SNTB1: variants seen among roughly 807,000 people sequenced by gnomAD.
SNTB1 encodes the protein syntrophin beta 1.
A neutral mutation model predicts 48.9 loss-of-function variants in SNTB1; 36 were observed. The ratio of observed to expected loss-of-function variants is 0.74; its 90% CI spans 0.56 to 0.97. SNTB1 has a LOEUF of 0.97. Ranked by LOEUF, SNTB1 falls within the 50% of genes least tolerant of loss-of-function variation. The pLI is 0.00. For missense variants in SNTB1, 786 were observed against 703.4 expected, an observed-to-expected ratio of 1.12 and a Z score of -1.33; for synonymous variants, 299 against 294.6, an observed-to-expected ratio of 1.01 and a Z score of -0.15.
rs754021797 is a variant in SNTB1 at position 120,775,932 on chromosome 8, C to T, written c.571+35341G>A. 5.3e-5 allele frequency among the ~76,000 whole-genome samples: 8 copies of T among 152,036 alleles called. No individual in the cohort carries two copies. In the East Asian group the frequency reaches 5.8e-4, roughly 11 times the overall value. On this transcript the variant is annotated intron_variant, in intron 1 of 6. Transcript: ENST00000517992. ...TAAGTTCTAGGGTACATGTGCACAA[C>T]GTGCAGGTTTGCTACATAAAAATGT...
intron 1 of SNTB1, among the ~76,000 whole-genome samples, chr8:120,749,844 C>T (rs1357459767): frequency 2.0e-5 from 3 of 152,102 alleles, no homozygotes; most frequent in Non-Finnish European, 4.4e-5. Flanking sequence ...ACTTACCTAA[C>T]TCCTCATGAG....
chr8:120,608,816 A>G (rs973898151), intron 3 of SNTB1, among the ~76,000 whole-genome samples: 3 of 152,244 alleles, frequency 2.0e-5, no homozygotes, highest in Non-Finnish European at 4.4e-5. Context: ...TACTTTATGA[A>G]GAAGGAAACT....
chr8:120,564,564 G>GTTTTTTTTT (rs71306893), intron 4 of SNTB1, among the ~76,000 whole-genome samples: 15 of 84,206 alleles, frequency 1.8e-4, no homozygotes, highest in Middle Eastern at 0.013. Context: ...TATTATTCTG[G>GTTTTTTTTT]TTTTTTTTTT....
At chr8:120,767,564 G>C (rs1313739965) in intron 1 of SNTB1, among the ~76,000 whole-genome samples, 1 of 152,104 alleles carries the variant, frequency 6.6e-6, no homozygotes, top group African/African-American at 2.4e-5. Context: ...TTAGAACATA[G>C]GCTCTACAGC....
chr8:120,747,786 A>G (rs980088872), intron 1 of SNTB1, among the ~76,000 whole-genome samples: 3 of 152,196 alleles, frequency 2.0e-5, no homozygotes, highest in South Asian at 2.1e-4. Flanking sequence ...AAGTTTACCT[A>G]TATAACAAAC....
chr8:120,734,797 G>A (rs148708166), intron 1 of SNTB1, among the ~76,000 whole-genome samples: 3 of 152,324 alleles, frequency 2.0e-5, no homozygotes, highest in Non-Finnish European at 4.4e-5. Flanking sequence ...ACTGGATGAT[G>A]GCTGCCTTTT....
intron 3 of SNTB1, among the ~76,000 whole-genome samples, chr8:120,601,453 C>T (rs1215370065): frequency 6.6e-6 from 1 of 152,208 alleles, no homozygotes; most frequent in Non-Finnish European, 1.5e-5. Context: ...TACCCCGTAC[C>T]TGAGCCTAAC....
chr8:120,788,273 C>A (rs60638930), intron 1 of SNTB1, among the ~76,000 whole-genome samples: 1 of 152,000 alleles, frequency 6.6e-6, no homozygotes, highest in Non-Finnish European at 1.5e-5. Context: ...GGAATAGATA[C>A]TCCTGAAAGC....
chr8:120,713,744 T>C (rs1303050050), intron 1 of SNTB1, among the ~76,000 whole-genome samples: 1 of 152,134 alleles, frequency 6.6e-6, no homozygotes, highest in Non-Finnish European at 1.5e-5. Flanking sequence ...AGAAAAAAAT[T>C]GAATCATACA....
At chr8:120,793,353 C>T (rs1037183511) in intron 1 of SNTB1, among the ~76,000 whole-genome samples, 3 of 152,114 alleles carry the variant, frequency 2.0e-5, no homozygotes, top group African/African-American at 7.2e-5. Context: ...TGAAGAAATA[C>T]TGTTATCGCC....
Position 120,652,973 on chromosome 8 carries a change from C to T in SNTB1, c.789-20322G>A, listed in dbSNP as rs189421614. On this transcript the variant is annotated intron_variant, in intron 2 of 6. Coordinates refer to ENST00000517992, the MANE Select transcript of SNTB1 (RefSeq NM_021021.4). ...CCAGTAAATCTCTTGGGTTACAAAA[C>T]GGAGTAAGAAACATGCAATGCTGTC... Among the ~76,000 whole-genome samples the T allele has an allele frequency of 8.1e-4, 123 of 152,222 alleles. 1 individual carries two copies. Among genetic ancestry groups the T allele is most frequent in the Non-Finnish European group, 3.5e-4 (24 of 68,018 alleles).
At chr8:120,696,067 A>G (rs375152019) in intron 1 of SNTB1, among the ~76,000 whole-genome samples, 18 of 152,120 alleles carry the variant, frequency 1.2e-4, no homozygotes, top group African/African-American at 3.4e-4. Context: ...AGAAGATCCT[A>G]AACTTTTTCA....
At chr8:120,731,525 C>T (rs1216859756) in intron 1 of SNTB1, among the ~76,000 whole-genome samples, 4 of 152,146 alleles carry the variant, frequency 2.6e-5, no homozygotes, top group Admixed American at 6.5e-5. Context: ...GAGATGACTT[C>T]CAAGGCGTCT....
At chr8:120,699,517 T>A (rs1332810256) in intron 1 of SNTB1, among the ~76,000 whole-genome samples, 1 of 152,150 alleles carries the variant, frequency 6.6e-6, no homozygotes, top group Non-Finnish European at 1.5e-5. Context: ...CTCCCTTTGC[T>A]TTCCACCATG....
chr8:120,697,318 G>A (rs1587096704), intron 1 of SNTB1, among the ~76,000 whole-genome samples: 2 of 152,038 alleles, frequency 1.3e-5, no homozygotes, highest in Admixed American at 6.6e-5. Flanking sequence ...CTTTTAACTG[G>A]CCAATTGCAA....
chr8:120,754,222 G>A (rs533709785), intron 1 of SNTB1, among the ~76,000 whole-genome samples: 29 of 152,220 alleles, frequency 1.9e-4, no homozygotes, highest in African/African-American at 6.7e-4. Context: ...AAGAAATATA[G>A]TTAAGAAATA....
At chr8:120,674,349 C>T (rs2129794789) in intron 2 of SNTB1, among the ~76,000 whole-genome samples, 1 of 152,334 alleles carries the variant, frequency 6.6e-6, no homozygotes, top group South Asian at 2.1e-4. Context: ...CTGAGCCAGT[C>T]ACTGGGTTGG....
intron 4 of SNTB1, among the ~76,000 whole-genome samples, chr8:120,574,833 T>C (rs1159594792): frequency 1.3e-5 from 2 of 152,188 alleles, no homozygotes; most frequent in African/African-American, 4.8e-5. Context: ...GGCGGCTAGA[T>C]GAGGACCATC....
chr8:120,756,073 T>C (rs1253917915), intron 1 of SNTB1, among the ~76,000 whole-genome samples: 1 of 152,182 alleles, frequency 6.6e-6, no homozygotes, highest in African/African-American at 2.4e-5. Context: ...GATGCCTACA[T>C]TGGAGCATTC....
Sources: gnomAD v4.1 joint callset for allele counts (sites outside exome capture counted in the v4.1 genomes callset) on GRCh38, gnomAD v4.1.1 for gene constraint, MANE v1.5 for transcripts, NCBI Gene and HGNC (gene_info 2026-07-23, HGNC 2026-07-21) for gene names.